RBMS2: variants seen among roughly 807,000 people sequenced by gnomAD.
The protein encoded by RBMS2 is RNA-binding motif, single-stranded-interacting protein 2.
In RBMS2, 38 loss-of-function variants were observed where a neutral mutation model predicts 58.4. That is an observed-to-expected ratio of 0.65 (90% CI 0.50 to 0.85). The LOEUF (loss-of-function observed/expected upper bound fraction) is 0.85. Ranked by LOEUF, RBMS2 falls within the 40% of genes least tolerant of loss-of-function variation. The pLI is 0.00. For synonymous variants in RBMS2, 151 were observed against 180.7 expected (o/e 0.84, Z 1.32); for missense variants, 367 against 503.7 (o/e 0.73, Z 2.60).
At chr12:56,536,992 C>A (rs1393029021) in intron 1 of RBMS2, among the ~76,000 whole-genome samples, 1 of 150,156 alleles carries the variant, frequency 6.7e-6, no homozygotes, top group African/African-American at 2.5e-5. Flanking sequence ...ATGATCTTGG[C>A]TCACTGCAAC....
chr12:56,535,767 A>G (rs1208357199), intron 1 of RBMS2, among the ~76,000 whole-genome samples: 1 of 152,104 alleles, frequency 6.6e-6, no homozygotes, highest in Non-Finnish European at 1.5e-5. Flanking sequence ...ATTCTTCCAT[A>G]TGCTCAGACC....
At chr12:56,526,283 GGC>G (rs1872624303) in intron 1 of RBMS2, among the ~76,000 whole-genome samples, 1 of 151,194 alleles carries the variant, frequency 6.6e-6, no homozygotes, top group Admixed American at 6.6e-5. Context: ...CTGCAGCCTG[GGC>G]AACAGAGTGA....
At chr12:56,546,249 C>G (rs975945570) in intron 1 of RBMS2, among the ~76,000 whole-genome samples, 1 of 149,476 alleles carries the variant, frequency 6.7e-6, no homozygotes, top group Non-Finnish European at 1.5e-5. Context: ...TCCTGAGTAG[C>G]TGGGACTACA....
intron 12 of RBMS2, 195 bp from the exon 13 acceptor site, chr12:56,588,737 A>G (rs776195184): frequency 1.3e-5 from 8 of 623,678 alleles, no homozygotes; most frequent in Non-Finnish European, 2.0e-5. Context: ...TGTATTGACT[A>G]ATGCGTCTTG....
chr12:56,578,736 A>T (rs969368787), intron 5 of RBMS2, among the ~76,000 whole-genome samples: 2 of 151,658 alleles, frequency 1.3e-5, no homozygotes, highest in Non-Finnish European at 2.9e-5. Context: ...AGGCCGAAGC[A>T]GGCAGATCAC....
chr12:56,536,570 T>G (rs1189941527), intron 1 of RBMS2, among the ~76,000 whole-genome samples: 4 of 151,806 alleles, frequency 2.6e-5, no homozygotes, highest in East Asian at 1.9e-4. Flanking sequence ...TCTTTTTTTT[T>G]TTTGTTTGTT....
At chr12:56,534,898 C>T (rs1304061115) in intron 1 of RBMS2, among the ~76,000 whole-genome samples, 2 of 152,214 alleles carry the variant, frequency 1.3e-5, no homozygotes, top group Non-Finnish European at 2.9e-5. Flanking sequence ...GCCTCAGCCT[C>T]CTAAAGTGCT....
rs904295034 is a variant in RBMS2 at position 56,591,629 on chromosome 12, G to A, written c.*2496G>A. On this transcript the variant is annotated 3_prime_UTR_variant, in exon 14 of 14. Transcript: ENST00000262031. ...TTGAGAGAAAGAGAAAACAAATCTA[G>A]AATTCTGTTCATCTGATAGACCGGG... 1 of 152,048 alleles carries A rather than the reference G, an allele frequency of 6.6e-6. No homozygotes were observed. The highest frequency in any genetic ancestry group is 1.5e-5 in the Non-Finnish European group (1 of 68,014). The allele number at this position is 152,048 out of a possible 1,614,324, so 9.4% of individuals were successfully genotyped here.
chr12:56,559,892 CTTCTT>C (rs1181566325), intron 1 of RBMS2, among the ~76,000 whole-genome samples: 2 of 88,730 alleles, frequency 2.3e-5, no homozygotes, highest in Admixed American at 3.9e-4. Context: ...AGGTCACAAT[CTTCTT>C]TTTTTTTTTT....
In RBMS2 at chr12:56,591,733, C is replaced by T. The variant is rs1312118811; in HGVS notation, c.*2600C>T. 6.6e-6 allele frequency: 1 copy of T among 152,176 alleles called. No individual in the cohort carries two copies. Among genetic ancestry groups the T allele is most frequent in the Non-Finnish European group, 1.5e-5 (1 of 68,038 alleles). The allele number at this position is 152,176 out of a possible 1,614,324, so 9.4% of individuals were successfully genotyped here. On this transcript the variant is annotated 3_prime_UTR_variant, in exon 14 of 14. Coordinates refer to ENST00000262031, the MANE Select transcript of RBMS2 (RefSeq NM_002898.4). Reference sequence around the variant, plus strand: ...TTGTTGATATTGCCACTCCCCTCTCCTCTGCCTCACAGAACTCCTGATTCT... The same window carrying T: ...TTGTTGATATTGCCACTCCCCTCTCTTCTGCCTCACAGAACTCCTGATTCT...
At chr12:56,579,128 C>T (rs749980612) in intron 5 of RBMS2, among the ~76,000 whole-genome samples, 3 of 152,108 alleles carry the variant, frequency 2.0e-5, no homozygotes, top group Non-Finnish European at 4.4e-5. Context: ...TAAGAGGGGA[C>T]TTCAGCCTTG....
intron 3 of RBMS2, 76 bp downstream of exon 3, chr12:56,569,109 G>C: frequency 7.7e-7 from 1 of 1,295,484 alleles, no homozygotes; most frequent in Non-Finnish European, 1.1e-6. Context: ...CTTTACTGCT[G>C]AGAGTCCTGA....
intron 1 of RBMS2, chr12:56,528,076 C>G (rs1037743777): frequency 5.9e-5 from 9 of 151,942 alleles, no homozygotes; most frequent in African/African-American, 2.2e-4. Context: ...TGGCAAAACC[C>G]TGTCTCTACA....
intron 1 of RBMS2, among the ~76,000 whole-genome samples, chr12:56,536,157 G>A (rs373592350): frequency 3.0e-5 from 4 of 132,852 alleles, no homozygotes; most frequent in Admixed American, 8.7e-5. Flanking sequence ...CTGAGATCAC[G>A]CCATTGCACT....
chr12:56,559,151 T>C (rs147433000), intron 1 of RBMS2, among the ~76,000 whole-genome samples: 10 of 152,198 alleles, frequency 6.6e-5, no homozygotes, highest in African/African-American at 2.4e-4. Flanking sequence ...CAGCTAAGGA[T>C]CAATAATAGC....
At chr12:56,560,107 C>T (rs552849498) in intron 1 of RBMS2, among the ~76,000 whole-genome samples, 1 of 151,950 alleles carries the variant, frequency 6.6e-6, no homozygotes, top group South Asian at 2.1e-4. Flanking sequence ...GTTGGCCAGA[C>T]TGGTCTTGAA....
At chr12:56,573,091 CTAAG>C (rs1188859686) in intron 5 of RBMS2, 1 of 958,682 alleles carries the variant, frequency 1.0e-6, no homozygotes, top group Non-Finnish European at 1.2e-6. Flanking sequence ...AATGACTGGA[CTAAG>C]TGAGCCAAGC....
At chr12:56,554,452 T>G (rs993141242) in intron 1 of RBMS2, among the ~76,000 whole-genome samples, 1 of 152,188 alleles carries the variant, frequency 6.6e-6, no homozygotes, top group African/African-American at 2.4e-5. Context: ...TGGATGGAGC[T>G]GGAAGCCATT....
intron 5 of RBMS2, chr12:56,572,658 A>T: frequency 2.8e-6 from 1 of 359,694 alleles, no homozygotes; most frequent in South Asian, 1.1e-4. Flanking sequence ...TATCTTACAG[A>T]TGAGGAAAGT....
Sources: gnomAD v4.1 joint callset for allele counts (sites outside exome capture counted in the v4.1 genomes callset) on GRCh38, gnomAD v4.1.1 for gene constraint, MANE v1.5 for transcripts, NCBI Gene and HGNC (gene_info 2026-07-23, HGNC 2026-07-21) for gene names.